ATP5MC3: variants seen among roughly 807,000 people sequenced by gnomAD.
The protein encoded by ATP5MC3 is ATP synthase membrane subunit c locus 3.
ATP5MC3 carries 6 observed loss-of-function variants against 15.6 expected under a neutral mutation model. The observed-to-expected ratio is 0.38, with a 90% CI of 0.21 to 0.76. The LOEUF (loss-of-function observed/expected upper bound fraction) is 0.76, where lower values mean the gene tolerates loss of function less well. Among genes scored for constraint, ATP5MC3 ranks in the 30% least tolerant of loss-of-function variants. The pLI is 0.44. For missense variants in ATP5MC3, 132 were observed against 171.2 expected, an observed-to-expected ratio of 0.77 and a Z score of 1.28; for synonymous variants, 66 against 63.3, an observed-to-expected ratio of 1.04 and a Z score of -0.20.
Position 175,178,279 on chromosome 2 carries a change from A to G in ATP5MC3, c.*9T>C, listed in dbSNP as rs768433692. The G allele has an allele frequency of 6.9e-6, 11 of 1,603,238 alleles. No individual in the cohort carries two copies. The African/African-American group carries it at 1.4e-4, about 20-fold the overall frequency. On this transcript the variant is annotated 3_prime_UTR_variant, in exon 5 of 5. Coordinates refer to ENST00000284727, the MANE Select transcript of ATP5MC3 (RefSeq NM_001689.5). Reference sequence around the variant, plus strand: ...TAATATGAATGCCAACATGTCAAGCAGTAATTTGTTACATGGCAAACAAAA... The same window carrying G: ...TAATATGAATGCCAACATGTCAAGCGGTAATTTGTTACATGGCAAACAAAA...
intron 3 of ATP5MC3, chr2:175,179,523 G>A (rs1009164997): frequency 3.5e-5 from 12 of 345,718 alleles, no homozygotes; most frequent in Non-Finnish European, 5.2e-5. Context: ...AAGAGACAAG[G>A]TCTCACCTGG....
chr2:175,180,139 C>T lies in ATP5MC3; in HGVS notation c.79G>A (p.Ala27Thr). The change falls in exon 3 of 5, where the codon GCA becomes ACA. Residue 27 changes from alanine to threonine, a missense_variant. This residue lies in a region of ATP5MC3 where 90 missense variants were observed against 86.2 expected (regional missense o/e 1.04). Transcript: ENST00000284727. ...GSRVAYRPIS[A>T]SVLSRPEASR... ...GCCTCTGGTCGAGATAACACTGATG[C>T]AGAAATTGGTCTGTATGCAACTCTG... 1 of 1,599,522 alleles carries T rather than the reference C, an allele frequency of 6.3e-7. No homozygotes were observed. The highest frequency in any genetic ancestry group is 1.1e-5 in the South Asian group (1 of 87,436).
intron 2 of ATP5MC3, among the ~76,000 whole-genome samples, chr2:175,180,439 A>G (rs1700752919): frequency 6.6e-6 from 1 of 152,222 alleles, no homozygotes; most frequent in Non-Finnish European, 1.5e-5. Context: ...TGCTTTTGAC[A>G]TTTCCATTAT....
chr2:175,181,177 G>A (rs915179673), intron 2 of ATP5MC3, among the ~76,000 whole-genome samples, 178 bp downstream of exon 2: 2 of 152,278 alleles, frequency 1.3e-5, no homozygotes, highest in Non-Finnish European at 2.9e-5. Context: ...TAGTGGCAAG[G>A]AGAGGGCTGA....
chr2:175,181,624 GC>G, intron 1 of ATP5MC3, 31 bp downstream of exon 1: 1 of 544,322 alleles, frequency 1.8e-6, no homozygotes, highest in Non-Finnish European at 3.2e-6. Flanking sequence ...CTCCGCCCTG[GC>G]CAGGCCGGGC....
chr2:175,179,571 G>C (rs747370467), intron 3 of ATP5MC3: 14 of 241,022 alleles, frequency 5.8e-5, no homozygotes, highest in Non-Finnish European at 8.8e-5. Context: ...AGTGTGGTGT[G>C]ATCATAGCTC....
rs1440812732 is a variant in ATP5MC3 at position 175,177,307 on chromosome 2, C to A, written c.*981G>T. ...ATGGAAATCAAACAGGCAAAGGGCA[C>A]TAAGAAAAGTAAAATGTCACTTTCC... is the stretch of plus-strand genomic sequence containing the variant. On this transcript the variant is annotated 3_prime_UTR_variant, in exon 5 of 5. Transcript: ENST00000284727. 6.6e-6 allele frequency: 1 copy of A among 152,168 alleles called. No homozygotes were observed. Among genetic ancestry groups the A allele is most frequent in the African/African-American group, 2.4e-5 (1 of 41,526 alleles). The allele number at this position is 152,168 out of a possible 1,614,324, so 9.4% of individuals were successfully genotyped here. A position where few individuals can be genotyped will look rare whatever the true frequency, so the allele number is the denominator to read the frequency against.
chr2:175,181,541 C>T (rs1321709802), intron 1 of ATP5MC3, 75 bp from the exon 2 acceptor site: 1 of 923,150 alleles, frequency 1.1e-6, no homozygotes, highest in Non-Finnish European at 1.6e-6. Context: ...CGCAGGCTCC[C>T]GTGCACGCCG....
intron 4 of ATP5MC3, 179 bp from the exon 5 acceptor site, chr2:175,178,581 G>A: frequency 7.5e-7 from 1 of 1,332,574 alleles, no homozygotes; most frequent in South Asian, 2.1e-5. Flanking sequence ...TGGTGTAAAG[G>A]TAGGGAGCTG....
In ATP5MC3 at chr2:175,179,192, A is replaced by C; in HGVS notation, c.179T>G (p.Phe60Cys). ...GTCTCTGCTGATTGCACTGGTCTGA[A>C]ACTCCCTTTGGATTAGCTGAGACAC... is the stretch of plus-strand genomic sequence containing the variant. ...NGVSQLIQRE[F>C]QTSAISRDID... The change falls in exon 4 of 5, where the codon TTT becomes TGT. Residue 60 changes from phenylalanine (F) to cysteine (C), a missense_variant. Coordinates refer to ENST00000284727, the MANE Select transcript of ATP5MC3 (RefSeq NM_001689.5). 6.2e-7 allele frequency: 1 copy of C among 1,614,188 alleles called. No homozygotes were observed. The highest frequency in any genetic ancestry group is 8.5e-7 in the Non-Finnish European group (1 of 1,180,030).
In ATP5MC3 at chr2:175,181,485, T is replaced by A. The variant is rs1700772429; in HGVS notation, c.-73-19A>T. The A allele has an allele frequency of 6.5e-7, 1 of 1,528,746 alleles. No individual in the cohort carries two copies. Among genetic ancestry groups the A allele is most frequent in the Non-Finnish European group, 8.9e-7 (1 of 1,119,086 alleles). The allele number at this position is 1,528,746 out of a possible 1,614,324, so 94.7% of individuals were successfully genotyped here. ...TTCCTCTCTGCGGAGGAAAAGAGGCTTAAGGTCAAGTGCCCTCCAGGGGCC... is the reference window on the plus strand; with the variant it reads ...TTCCTCTCTGCGGAGGAAAAGAGGCATAAGGTCAAGTGCCCTCCAGGGGCC... On this transcript the variant is annotated intron_variant, in intron 1 of 4. Coordinates refer to ENST00000284727, the MANE Select transcript of ATP5MC3 (RefSeq NM_001689.5).
At chr2:175,178,591 G>A in intron 4 of ATP5MC3, 189 bp from the exon 5 acceptor site, 5 of 1,314,784 alleles carry the variant, frequency 3.8e-6, no homozygotes, top group Non-Finnish European at 4.8e-6. Context: ...GTAGGGAGCT[G>A]TCTGTCAATA....
chr2:175,178,928 T>C, intron 4 of ATP5MC3, 129 bp downstream of exon 4: 1 of 1,382,886 alleles, frequency 7.2e-7, no homozygotes, highest in Non-Finnish European at 9.6e-7. Flanking sequence ...AGATAATGCA[T>C]ACAAAGCCCT....
rs1700714568 is a variant in ATP5MC3 at position 175,178,100 on chromosome 2, T to C, written c.*188A>G. On this transcript the variant is annotated 3_prime_UTR_variant, in exon 5 of 5. Transcript: ENST00000284727. ...CATCTGCCTGAATGCACGTTCTTCT[T>C]TGTGATAATCTAAACTTAGTGTAAG... 1 of 1,188,970 alleles carries C rather than the reference T, an allele frequency of 8.4e-7. No individual in the cohort carries two copies. Among genetic ancestry groups the C allele is most frequent in the South Asian group, 2.0e-5 (1 of 50,242 alleles). The allele number at this position is 1,188,970 out of a possible 1,614,324, so 73.7% of individuals were successfully genotyped here.
rs1700695458 is a variant in ATP5MC3 at position 175,176,992 on chromosome 2, T to A, written c.*1296A>T. 6.6e-6 allele frequency: 1 copy of A among 152,216 alleles called. No individual in the cohort carries two copies. The highest frequency in any genetic ancestry group is 1.5e-5 in the Non-Finnish European group (1 of 68,026). 9.4% of individuals were successfully genotyped at this position (152,216 alleles called of 1,614,324 possible). A position where few individuals can be genotyped will look rare whatever the true frequency, so the allele number is the denominator to read the frequency against. Reference sequence around the variant, plus strand: ...TCCAATTCTTTTGGGTGATATAGACTAGATGATGAATCAACTAAAAACGAG... The same window carrying A: ...TCCAATTCTTTTGGGTGATATAGACAAGATGATGAATCAACTAAAAACGAG... On this transcript the variant is annotated 3_prime_UTR_variant, in exon 5 of 5. Coordinates refer to ENST00000284727, the MANE Select transcript of ATP5MC3 (RefSeq NM_001689.5).
rs1000635497 is a variant in ATP5MC3 at position 175,177,365 on chromosome 2, G to C, written c.*923C>G. On this transcript the variant is annotated 3_prime_UTR_variant, in exon 5 of 5. Transcript: ENST00000284727. ...CAACTTTCAAAAAACCCTGAAACTT[G>C]GATGATAGATATTATGGTACAATAT... is the stretch of plus-strand genomic sequence containing the variant. 2 of 152,052 alleles carry C rather than the reference G, an allele frequency of 1.3e-5. No homozygotes were observed. Among genetic ancestry groups the C allele is most frequent in the African/African-American group, 2.4e-5 (1 of 41,414 alleles). 9.4% of individuals were successfully genotyped at this position (152,052 alleles called of 1,614,324 possible). A position where few individuals can be genotyped will look rare whatever the true frequency, so the allele number is the denominator to read the frequency against.
intron 2 of ATP5MC3, among the ~76,000 whole-genome samples, chr2:175,180,919 G>A (rs1700759464): frequency 6.6e-6 from 1 of 152,186 alleles, no homozygotes; most frequent in Admixed American, 6.5e-5. Context: ...CACACGGAAA[G>A]GCAAAGTCCC....
At chr2:175,181,257 G>A (rs774429139) in intron 2 of ATP5MC3, 98 bp downstream of exon 2, 8 of 1,419,484 alleles carry the variant, frequency 5.6e-6, no homozygotes, top group Non-Finnish European at 7.7e-6. Context: ...CCGAGAGGGC[G>A]GTGTGCCCCG....
At position 175,178,259 on chromosome 2, in the gene ATP5MC3, T is replaced by G. The variant is rs746341847; in HGVS notation, c.*29A>C. 7 of 1,598,170 alleles carry G rather than the reference T, an allele frequency of 4.4e-6. No homozygotes were observed. The Admixed American group carries it at 5.4e-5, about 12-fold the overall frequency. On this transcript the variant is annotated 3_prime_UTR_variant, in exon 5 of 5. Coordinates refer to ENST00000284727, the MANE Select transcript of ATP5MC3 (RefSeq NM_001689.5). The stretch of plus-strand genomic sequence containing the variant: ...CACAGAATTACATCCGTAATTAATA[T>G]GAATGCCAACATGTCAAGCAGTAAT...
Sources: gnomAD v4.1 joint callset for allele counts (sites outside exome capture counted in the v4.1 genomes callset) on GRCh38, gnomAD v4.1.1 for gene constraint, gnomAD v4.1.1 regional missense constraint, MANE v1.5 for transcripts, NCBI Gene and HGNC (gene_info 2026-07-23, HGNC 2026-07-21) for gene names.